Variants in MCTP2 observed in about 807,000 individuals in gnomAD.
MCTP2 encodes multiple C2 and transmembrane domain containing 2, also known as multiple C2 and transmembrane domain-containing protein 2.
MCTP2 carries 132 observed loss-of-function variants against 111.6 expected under a neutral mutation model. The ratio of observed to expected loss-of-function variants is 1.18; its 90% CI spans 1.03 to 1.37. The LOEUF is 1.37. Among genes scored for constraint, MCTP2 ranks in the 40% most tolerant of loss-of-function variants. The pLI is 0.00. For missense variants in MCTP2, 1,183 were observed against 1,067.9 expected (o/e 1.11, Z -1.50); for synonymous variants, 395 against 387.7 (o/e 1.02, Z -0.22).
intron 17 of MCTP2, among the ~76,000 whole-genome samples, chr15:94,404,126 G>A (rs974787548): frequency 3.3e-5 from 5 of 152,126 alleles, no homozygotes; most frequent in Admixed American, 2.0e-4. Flanking sequence ...CAGCCATAAC[G>A]TGGTGGATAA....
At chr15:94,243,984 C>T (rs1355715995) in intron 1 of MCTP2, among the ~76,000 whole-genome samples, 2 of 145,816 alleles carry the variant, frequency 1.4e-5, no homozygotes, top group African/African-American at 5.0e-5. Context: ...TATACACATA[C>T]ATATGTGTAT....
At chr15:94,326,766 C>T (rs892973783) in intron 4 of MCTP2, among the ~76,000 whole-genome samples, 3 of 150,972 alleles carry the variant, frequency 2.0e-5, no homozygotes, top group Non-Finnish European at 4.4e-5. Context: ...TGGCGTTTCA[C>T]CCTGTTGGCC....
At chr15:94,312,114 T>G (rs1301460576) in intron 2 of MCTP2, among the ~76,000 whole-genome samples, 2 of 152,140 alleles carry the variant, frequency 1.3e-5, no homozygotes, top group Non-Finnish European at 2.9e-5. Flanking sequence ...CTGGAGACCA[T>G]AGCATGTGAT....
intron 20 of MCTP2, among the ~76,000 whole-genome samples, chr15:94,466,895 T>C (rs972289968): frequency 1.3e-5 from 2 of 152,130 alleles, no homozygotes; most frequent in African/African-American, 4.8e-5. Flanking sequence ...ATAAAGTCTA[T>C]TCCTTTTTAA....
chr15:94,355,467 T>TGA (rs2078566347), intron 8 of MCTP2, among the ~76,000 whole-genome samples: 1 of 152,224 alleles, frequency 6.6e-6, no homozygotes, highest in Admixed American at 6.5e-5. Flanking sequence ...TGTATGAGTG[T>TGA]GAGTAATATA....
intron 4 of MCTP2, among the ~76,000 whole-genome samples, chr15:94,333,276 G>A (rs191656717): frequency 7.2e-5 from 11 of 152,298 alleles, no homozygotes; most frequent in African/African-American, 2.6e-4. Flanking sequence ...CTTATTAATT[G>A]AAGAAAGCAG....
At chr15:94,274,318 T>C (rs898220047) in intron 1 of MCTP2, among the ~76,000 whole-genome samples, 1 of 152,088 alleles carries the variant, frequency 6.6e-6, no homozygotes, top group African/African-American at 2.4e-5. Context: ...GCAAAAGGTA[T>C]GGTCTGAAAA....
intron 1 of MCTP2, among the ~76,000 whole-genome samples, chr15:94,289,629 A>G (rs1252496199): frequency 6.6e-6 from 1 of 152,212 alleles, no homozygotes; most frequent in Non-Finnish European, 1.5e-5. Context: ...AGTATGGCTT[A>G]TGGTTGAAAT....
At chr15:94,314,975 C>T (rs893755538) in intron 3 of MCTP2, 9 of 328,036 alleles carry the variant, frequency 2.7e-5, no homozygotes, top group Non-Finnish European at 4.8e-5. Flanking sequence ...CCTTTGGGGA[C>T]CCAGGGAAGA....
At chr15:94,434,569 T>G (rs1049738242) in intron 17 of MCTP2, among the ~76,000 whole-genome samples, 1 of 152,154 alleles carries the variant, frequency 6.6e-6, no homozygotes, top group Admixed American at 6.5e-5. Flanking sequence ...GTAGGTGATT[T>G]TTTTTCCCCA....
intron 21 of MCTP2, among the ~76,000 whole-genome samples, chr15:94,471,126 G>A (rs879861941): frequency 4.6e-5 from 7 of 152,212 alleles, no homozygotes; most frequent in African/African-American, 7.2e-5. Context: ...GTGAGTATTA[G>A]TGTCTGTTCC....
Position 94,479,328 on chromosome 15 carries a change from A to G in MCTP2, c.*294A>G, listed in dbSNP as rs1354563879. The G allele has an allele frequency of 7.2e-6, 3 of 418,052 alleles. No individual in the cohort carries two copies. Among genetic ancestry groups the G allele is most frequent in the Non-Finnish European group, 1.3e-5 (3 of 229,248 alleles). 25.9% of individuals were successfully genotyped at this position (418,052 alleles called of 1,614,324 possible). A position where few individuals can be genotyped will look rare whatever the true frequency, so the allele number is the denominator to read the frequency against. ...GATAACAAGGCTGCCATGGATCTGA[A>G]CACCACCTTCCTTGAGAACAGCCAG... is the stretch of plus-strand genomic sequence containing the variant. On this transcript the variant is annotated 3_prime_UTR_variant, in exon 23 of 23. Transcript: ENST00000357742.
intron 16 of MCTP2, among the ~76,000 whole-genome samples, chr15:94,401,679 T>C (rs1343868814): frequency 6.6e-6 from 1 of 152,248 alleles, no homozygotes; most frequent in African/African-American, 2.4e-5. Context: ...GGCTATTCTT[T>C]TTCAGATGAG....
chr15:94,361,084 GTTTTTTTTTTTTTTTTT>G (rs67774490), intron 10 of MCTP2, among the ~76,000 whole-genome samples: 12 of 8,416 alleles, frequency 1.4e-3, no homozygotes, highest in Admixed American at 4.7e-3. Context: ...AATATTTCAA[GTTTTTTTTTTTTTTTTT>G]TTTTTTTTTT....
At chr15:94,436,461 A>G (rs2083482374) in intron 17 of MCTP2, among the ~76,000 whole-genome samples, 1 of 152,194 alleles carries the variant, frequency 6.6e-6, no homozygotes, top group Non-Finnish European at 1.5e-5. Context: ...GGAATTATGC[A>G]TTGATTTAAA....
At chr15:94,427,993 T>C (rs1273704656) in intron 17 of MCTP2, among the ~76,000 whole-genome samples, 1 of 152,204 alleles carries the variant, frequency 6.6e-6, no homozygotes, top group Non-Finnish European at 1.5e-5. Context: ...ATTTGTAGGC[T>C]TTTGCTTTTC....
intron 21 of MCTP2, among the ~76,000 whole-genome samples, chr15:94,472,313 G>A (rs2073992931): frequency 1.3e-5 from 2 of 152,210 alleles, no homozygotes; most frequent in African/African-American, 4.8e-5. Context: ...GGAGGCGGAA[G>A]TTGCAGGGAG....
intron 4 of MCTP2, among the ~76,000 whole-genome samples, chr15:94,316,266 ATGTTT>A (rs748800197): frequency 6.1e-5 from 9 of 146,932 alleles, no homozygotes; most frequent in Non-Finnish European, 1.4e-4. Context: ...ATAATGTATA[ATGTTT>A]TGTTTATCTA....
At chr15:94,285,064 A>G (rs1397458395) in intron 1 of MCTP2, among the ~76,000 whole-genome samples, 1 of 152,176 alleles carries the variant, frequency 6.6e-6, no homozygotes, top group African/African-American at 2.4e-5. Flanking sequence ...GCTATGATTT[A>G]CCACAGGAAT....
Sources: allele counts gnomAD v4.1 joint callset (sites outside exome capture counted in the v4.1 genomes callset), GRCh38; gene constraint gnomAD v4.1.1; transcripts MANE v1.5; gene names NCBI Gene and HGNC (gene_info 2026-07-23, HGNC 2026-07-21).